The following ELAPOR2 variants were observed in gnomAD, a reference collection of about 807,000 sequenced individuals.
ELAPOR2 encodes the protein endosome/lysosome-associated apoptosis and autophagy regulator family member 2.
Under a neutral mutation model 120.7 loss-of-function variants are expected in ELAPOR2, and 89 were observed. The observed-to-expected ratio is 0.74, with a 90% CI of 0.62 to 0.88. The LOEUF (loss-of-function observed/expected upper bound fraction) is 0.88, where lower values mean the gene tolerates loss of function less well. ELAPOR2 is among the 40% of genes least tolerant of loss of function. The pLI is 0.00. For missense variants in ELAPOR2, 1,134 were observed against 1,251.6 expected, an observed-to-expected ratio of 0.91 and a Z score of 1.42; for synonymous variants, 444 against 444.9, an observed-to-expected ratio of 1.00 and a Z score of 0.03.
At chr7:86,962,841 T>C (rs2116472500) in intron 2 of ELAPOR2, among the ~76,000 whole-genome samples, 1 of 152,314 alleles carries the variant, frequency 6.6e-6, no homozygotes, top group Non-Finnish European at 1.5e-5. Flanking sequence ...TGAAGGAATA[T>C]CCAGTTACTA....
At chr7:86,883,025 T>G (rs1169818778) in intron 21 of ELAPOR2, among the ~76,000 whole-genome samples, 11 of 111,230 alleles carry the variant, frequency 9.9e-5, no homozygotes, top group South Asian at 2.9e-4. Flanking sequence ...TTGAAAGGGG[T>G]GTGTGTGTGT....
At chr7:86,945,906 CAT>C (rs1008663589) in intron 3 of ELAPOR2, among the ~76,000 whole-genome samples, 3 of 152,030 alleles carry the variant, frequency 2.0e-5, no homozygotes, top group African/African-American at 4.8e-5. Flanking sequence ...GTTACACACA[CAT>C]GGAGACGTGT....
chr7:86,998,719 T>G (rs1463161021), intron 1 of ELAPOR2, among the ~76,000 whole-genome samples: 1 of 152,240 alleles, frequency 6.6e-6, no homozygotes, highest in East Asian at 1.9e-4. Flanking sequence ...CTAGTTCACT[T>G]TCAGGGTTCT....
At chr7:87,023,824 G>T (rs1342616368) in intron 1 of ELAPOR2, among the ~76,000 whole-genome samples, 2 of 152,112 alleles carry the variant, frequency 1.3e-5, no homozygotes, top group African/African-American at 4.8e-5. Context: ...TTGCTTTGAA[G>T]CAATTGTGAA....
chr7:86,920,489 A>G (rs1789779453), intron 10 of ELAPOR2, among the ~76,000 whole-genome samples: 2 of 152,126 alleles, frequency 1.3e-5, no homozygotes, highest in South Asian at 4.1e-4. Context: ...GGAGGACTTT[A>G]TGAAATGTTT....
intron 21 of ELAPOR2, among the ~76,000 whole-genome samples, chr7:86,884,220 C>G (rs910376395): frequency 3.3e-5 from 5 of 152,110 alleles, no homozygotes; most frequent in Admixed American, 1.3e-4. Flanking sequence ...TTTTTATACT[C>G]TAATTGGAGA....
intron 1 of ELAPOR2, among the ~76,000 whole-genome samples, chr7:87,040,029 G>T (rs558506813): frequency 2.0e-5 from 3 of 152,180 alleles, no homozygotes; most frequent in African/African-American, 4.8e-5. Flanking sequence ...TGGAAAATCG[G>T]GTCACTCCCA....
intron 1 of ELAPOR2, chr7:86,965,966 T>C: frequency 2.0e-6 from 2 of 985,282 alleles, no homozygotes; most frequent in Non-Finnish European, 1.2e-6. Context: ...TGACCTTCTC[T>C]GCATAGCACA....
chr7:87,006,134 C>G (rs10256697), intron 1 of ELAPOR2, among the ~76,000 whole-genome samples: 57,521 of 151,966 alleles, frequency 0.38, 11,736 homozygotes, highest in African/African-American at 0.53. Context: ...TTAGCACATA[C>G]ACGGGGCTAA....
intron 1 of ELAPOR2, among the ~76,000 whole-genome samples, chr7:86,989,992 G>C (rs932186739): frequency 5.9e-5 from 9 of 151,980 alleles, no homozygotes; most frequent in Non-Finnish European, 8.8e-5. Flanking sequence ...ACAGTATTGA[G>C]AGGTGGCGCC....
chr7:86,888,716 G>T (rs929697078), intron 21 of ELAPOR2, among the ~76,000 whole-genome samples: 1 of 152,082 alleles, frequency 6.6e-6, no homozygotes, highest in African/African-American at 2.4e-5. Flanking sequence ...GACAAACAGG[G>T]AGAGTTGAGC....
At chr7:86,961,954 G>A (rs1791727770) in intron 2 of ELAPOR2, among the ~76,000 whole-genome samples, 1 of 152,130 alleles carries the variant, frequency 6.6e-6, no homozygotes, top group Non-Finnish European at 1.5e-5. Context: ...CAACTGATGA[G>A]TTCTCCACAG....
chr7:86,968,351 T>C (rs1791992170), intron 1 of ELAPOR2, among the ~76,000 whole-genome samples: 1 of 152,294 alleles, frequency 6.6e-6, no homozygotes, highest in East Asian at 1.9e-4. Context: ...TCAAAAATTT[T>C]GTCATTATTT....
chr7:86,929,831 T>G (rs1464716494), intron 8 of ELAPOR2, among the ~76,000 whole-genome samples: 1 of 151,888 alleles, frequency 6.6e-6, no homozygotes, highest in Non-Finnish European at 1.5e-5. Flanking sequence ...TAGTGAGTTC[T>G]CATGAGATCT....
At chr7:86,954,801 T>C (rs145079780) in intron 2 of ELAPOR2, among the ~76,000 whole-genome samples, 13 of 152,294 alleles carry the variant, frequency 8.5e-5, no homozygotes, top group African/African-American at 3.1e-4. Flanking sequence ...GACAAGCCCA[T>C]ATGTCTATTT....
chr7:86,918,694 A>G, intron 11 of ELAPOR2, 150 bp from the exon 12 acceptor site: 1 of 604,714 alleles, frequency 1.7e-6, no homozygotes, highest in South Asian at 2.1e-5. Context: ...TTCCTCACTT[A>G]ATCATACCTG....
intron 21 of ELAPOR2, among the ~76,000 whole-genome samples, chr7:86,884,503 T>C (rs1461042162): frequency 6.6e-6 from 1 of 152,116 alleles, no homozygotes; most frequent in Non-Finnish European, 1.5e-5. Flanking sequence ...GCCACCTAAA[T>C]AGAGAGCTGA....
At chr7:87,012,222 C>T (rs367908123) in intron 1 of ELAPOR2, among the ~76,000 whole-genome samples, 59 of 152,178 alleles carry the variant, frequency 3.9e-4, no homozygotes, top group African/African-American at 7.2e-4. Context: ...CCATCCTGGC[C>T]AACATGGTGA....
chr7:86,889,470 G>GT (rs1025539949), intron 21 of ELAPOR2, among the ~76,000 whole-genome samples: 31 of 145,040 alleles, frequency 2.1e-4, no homozygotes, highest in South Asian at 6.7e-4. Flanking sequence ...TACTGGTTTT[G>GT]TTTTTTTTTT....
Sources: allele counts gnomAD v4.1 joint callset (sites outside exome capture counted in the v4.1 genomes callset), GRCh38; gene constraint gnomAD v4.1.1; transcripts MANE v1.5; gene names NCBI Gene and HGNC (gene_info 2026-07-23, HGNC 2026-07-21).